The following KANK1 variants were observed in gnomAD, a reference collection of about 807,000 sequenced individuals.
The protein encoded by KANK1 is KN motif and ankyrin repeat domain-containing protein 1.
Under a neutral mutation model 106.2 loss-of-function variants are expected in KANK1, and 109 were observed. The observed-to-expected ratio is 1.03, with a 90% CI of 0.88 to 1.20. The LOEUF (loss-of-function observed/expected upper bound fraction) is 1.20. Among genes scored for constraint, KANK1 ranks in the 50% most tolerant of loss-of-function variants. The pLI, the probability that KANK1 is intolerant of heterozygous loss-of-function variation, is 0.00. For synonymous variants in KANK1, 873 were observed against 652.2 expected (o/e 1.34, Z -5.16); for missense variants, 2,399 against 1,710.7 (o/e 1.40, Z -7.10).
chr9:551,892 A>G (rs975680452), intron 1 of KANK1, among the ~76,000 whole-genome samples: 22 of 151,856 alleles, frequency 1.4e-4, no homozygotes, highest in African/African-American at 5.1e-4. Context: ...TACAAAAAAA[A>G]AAAAAAATCA....
intron 1 of KANK1, among the ~76,000 whole-genome samples, chr9:569,924 C>T (rs881987): frequency 0.94 from 142,947 of 152,162 alleles, 67,177 homozygotes; most frequent in East Asian, 1. Flanking sequence ...TTCCGTAACA[C>T]TTGATACGTT....
intron 2 of KANK1, among the ~76,000 whole-genome samples, chr9:694,513 G>C (rs1051771183): frequency 2.0e-5 from 3 of 152,206 alleles, no homozygotes; most frequent in Non-Finnish European, 4.4e-5. Context: ...GCACTTAGGA[G>C]CCCATGGCAT....
intron 3 of KANK1, among the ~76,000 whole-genome samples, chr9:481,738 C>T (rs561618863): frequency 1.2e-3 from 180 of 151,636 alleles, no homozygotes; most frequent in Non-Finnish European, 1.7e-3. Context: ...GCTCACACCT[C>T]GATCTCTACT....
At chr9:740,689 T>C in intron 8 of KANK1, 103 bp from the exon 9 acceptor site, 1 of 1,277,380 alleles carries the variant, frequency 7.8e-7, no homozygotes. Context: ...CCTGGTACCA[T>C]TTCACTGGGC....
upstream of KANK1, among the ~76,000 whole-genome samples, chr9:503,877 C>T (rs548861519): frequency 5.3e-5 from 8 of 152,312 alleles, no homozygotes; most frequent in South Asian, 4.1e-4. Context: ...CAATCCTGAG[C>T]CCCCGAGGCA....
chr9:621,487 G>A (rs1225477865), intron 1 of KANK1, among the ~76,000 whole-genome samples: 2 of 152,018 alleles, frequency 1.3e-5, no homozygotes, highest in South Asian at 2.1e-4. Context: ...CCATTACTGC[G>A]GGAAAAAACC....
intron 7 of KANK1, chr9:735,673 A>G: frequency 5.5e-6 from 2 of 361,280 alleles, no homozygotes; most frequent in South Asian, 2.1e-5. Flanking sequence ...ATTCTGCCAT[A>G]TATTTTAAAT....
At chr9:682,329 A>G (rs1309094668) in intron 2 of KANK1, among the ~76,000 whole-genome samples, 2 of 152,084 alleles carry the variant, frequency 1.3e-5, no homozygotes, top group Non-Finnish European at 2.9e-5. Flanking sequence ...ATAAAATTTG[A>G]CAGGAAACCA....
At chr9:551,885 A>C (rs1004702122) in intron 1 of KANK1, among the ~76,000 whole-genome samples, 3 of 127,256 alleles carry the variant, frequency 2.4e-5, no homozygotes, top group African/African-American at 5.5e-5. Flanking sequence ...TTGTTTCTAC[A>C]AAAAAAAAAA....
chr9:727,333 T>A (rs1382436909), intron 3 of KANK1, among the ~76,000 whole-genome samples: 1 of 152,044 alleles, frequency 6.6e-6, no homozygotes, highest in Non-Finnish European at 1.5e-5. Context: ...TTTTTTTTTT[T>A]TTATTAGAGT....
At chr9:507,133 CTT>C (rs60184146) in intron 1 of KANK1, among the ~76,000 whole-genome samples, 40 of 136,548 alleles carry the variant, frequency 2.9e-4, no homozygotes, top group African/African-American at 5.8e-4. Flanking sequence ...CTTATGCCAT[CTT>C]TTTTTTTTTT....
At chr9:716,602 T>C (rs1827764530) in intron 3 of KANK1, among the ~76,000 whole-genome samples, 2 of 152,194 alleles carry the variant, frequency 1.3e-5, no homozygotes, top group African/African-American at 4.8e-5. Context: ...AAACGAAGTA[T>C]ATTAGCGGCC....
chr9:618,339 C>G (rs1402232428), intron 1 of KANK1, among the ~76,000 whole-genome samples: 1 of 152,070 alleles, frequency 6.6e-6, no homozygotes, highest in East Asian at 1.9e-4. Flanking sequence ...TCCCGAGTAG[C>G]TGGGACTACA....
intron 1 of KANK1, among the ~76,000 whole-genome samples, chr9:617,888 T>C (rs1213855454): frequency 6.6e-6 from 1 of 152,186 alleles, no homozygotes; most frequent in Non-Finnish European, 1.5e-5. Context: ...TAGAATGGAA[T>C]TTCTTACTGA....
intron 1 of KANK1, among the ~76,000 whole-genome samples, chr9:581,392 A>G (rs1822113273): frequency 6.6e-6 from 1 of 152,242 alleles, no homozygotes; most frequent in African/African-American, 2.4e-5. Flanking sequence ...CTTGCATGAT[A>G]CAAGAGCCTT....
chr9:704,079 T>A (rs895660496), intron 2 of KANK1, among the ~76,000 whole-genome samples: 4 of 152,222 alleles, frequency 2.6e-5, no homozygotes, highest in Non-Finnish European at 5.9e-5. Flanking sequence ...TGTAACACTT[T>A]TCCAGTTAAT....
chr9:471,178 C>A (rs2058013770), intron 2 of KANK1, among the ~76,000 whole-genome samples: 2 of 152,328 alleles, frequency 1.3e-5, no homozygotes, highest in African/African-American at 4.8e-5. Context: ...TCTCTTCCAT[C>A]TGATGGACTG....
At chr9:724,727 G>A (rs1047249402) in intron 3 of KANK1, among the ~76,000 whole-genome samples, 6 of 152,002 alleles carry the variant, frequency 3.9e-5, no homozygotes, top group Non-Finnish European at 5.9e-5. Flanking sequence ...ACTTGAACCC[G>A]GGAGGTGGAG....
chr9:705,443 G>T (rs368461279), intron 2 of KANK1, among the ~76,000 whole-genome samples: 1 of 152,052 alleles, frequency 6.6e-6, no homozygotes, highest in Admixed American at 6.6e-5. Flanking sequence ...CCAAGATGGC[G>T]CCACTGCACT....
Sources: gnomAD v4.1 joint callset for allele counts (sites outside exome capture counted in the v4.1 genomes callset) on GRCh38, gnomAD v4.1.1 for gene constraint, MANE v1.5 for transcripts, NCBI Gene and HGNC (gene_info 2026-07-23, HGNC 2026-07-21) for gene names.